OPLAH: variants seen among roughly 807,000 people sequenced by gnomAD.
The protein encoded by OPLAH is 5-oxoprolinase, ATP-hydrolysing.
In OPLAH, 103 loss-of-function variants were observed where a neutral mutation model predicts 122.8. That is an observed-to-expected ratio of 0.84 (90% CI 0.71 to 0.99). The LOEUF is 0.99. Among genes scored for constraint, OPLAH ranks in the 50% least tolerant of loss-of-function variants. The probability of loss-of-function intolerance (pLI) is 0.00; values close to 1 mark genes in which losing one functional copy is unlikely to be tolerated. For synonymous variants in OPLAH, 875 were observed against 796.0 expected (o/e 1.10, Z -1.67); for missense variants, 1,902 against 1,836.5 (o/e 1.04, Z -0.65).
Position 144,055,207 on chromosome 8 carries a change from C to T in OPLAH, c.2249-18G>A. ...CATCTGCTCTAGGAGCACAAAGTGA[C>T]CAGGCCCGCTGGCCCCACCCACCCA... On this transcript the variant is annotated intron_variant, in intron 16 of 26. Transcript: ENST00000618853. This position sits in a 1 kb window ranked among gnomAD's most constrained non-coding sequence, Gnocchi z 6.5. The T allele has an allele frequency of 6.7e-7, 1 of 1,497,090 alleles. No homozygotes were observed. Among genetic ancestry groups the T allele is most frequent in the Non-Finnish European group, 8.9e-7 (1 of 1,124,070 alleles). 92.7% of individuals were successfully genotyped at this position (1,497,090 alleles called of 1,614,324 possible).
rs546219910 is a variant in OPLAH at position 144,051,836 on chromosome 8, G to A, written c.3623-10C>T. The A allele has an allele frequency of 1.2e-5, 18 of 1,532,504 alleles. No homozygotes were observed. Among genetic ancestry groups the A allele is most frequent in the East Asian group, 1.0e-4 (4 of 39,824 alleles). The allele number at this position is 1,532,504 out of a possible 1,614,324, so 94.9% of individuals were successfully genotyped here. On this transcript the variant is annotated splice_polypyrimidine_tract_variant and intron_variant, in intron 25 of 26. Transcript: ENST00000618853. ...GCGCCAGGCTCGCCCCCTGCGGAGGGAGGCGAGGAGTCCAGAGAGACCAGG... is the reference window on the plus strand; with the variant it reads ...GCGCCAGGCTCGCCCCCTGCGGAGGAAGGCGAGGAGTCCAGAGAGACCAGG...
chr8:144,058,011 T>A lies in OPLAH; in HGVS notation c.1087A>T (p.Arg363Trp), dbSNP rs782450696. 30 of 1,612,224 alleles carry A rather than the reference T, an allele frequency of 1.9e-5. No homozygotes were observed. In the Admixed American group the frequency reaches 5.0e-4, roughly 27 times the overall value. The change falls in exon 8 of 27, where the codon AGG (arginine) becomes TGG (tryptophan). Residue 363 changes from arginine (R) to tryptophan (W), a missense_variant and splice_region_variant. Coordinates refer to ENST00000618853, the MANE Select transcript of OPLAH (RefSeq NM_017570.5). ...AGCCTGGGAAGCAGGAGAGCTGACC[T>A]GAAGAAGAGGCGGGAACCCCCTCCC... ...AAGGGSRLFFRSGLFVVGPES... is the reference protein window; with the variant it reads ...AAGGGSRLFFWSGLFVVGPES...
Position 144,052,756 on chromosome 8 carries a change from C to G in OPLAH, c.3153+10G>C. 1.3e-6 allele frequency: 2 copies of G among 1,563,976 alleles called. No individual in the cohort carries two copies. The highest frequency in any genetic ancestry group is 1.4e-5 in the African/African-American group (1 of 73,650). On this transcript the variant is annotated intron_variant, in intron 22 of 26. Coordinates refer to ENST00000618853, the MANE Select transcript of OPLAH (RefSeq NM_017570.5). Reference sequence around the variant, plus strand: ...CTGGGGCCCCCCCTCGCGCACACACCCCTGCGAACCTGGTTGAGTGGGATG... The same window carrying G: ...CTGGGGCCCCCCCTCGCGCACACACGCCTGCGAACCTGGTTGAGTGGGATG...
In OPLAH at chr8:144,058,502, T is replaced by C; in HGVS notation, c.777A>G (p.Gln259=). 6.3e-7 allele frequency: 1 copy of C among 1,580,208 alleles called. No individual in the cohort carries two copies. Among genetic ancestry groups the C allele is most frequent in the Non-Finnish European group, 8.6e-7 (1 of 1,166,896 alleles). ...VQGFCRGFQG[Q]LKDVQVLFMR... ...GGGTGCCTCACAGCCTCACCTTGAG[T>C]TGGCCCTGGAAGCCACGGCAGAAGC... The change falls in exon 6 of 27, where the codon CAA becomes CAG. Residue 259 remains glutamine (Q), a synonymous_variant. Transcript: ENST00000618853.
intron 3 of OPLAH, 40 bp downstream of exon 3, chr8:144,059,559 T>A: frequency 1.3e-6 from 2 of 1,566,628 alleles, no homozygotes; most frequent in Non-Finnish European, 8.7e-7. Context: ...CTGGGGGGTG[T>A]ACACCACACA....
rs782702031 is a variant in OPLAH at position 144,058,331 on chromosome 8, A to G, written c.857T>C (p.Val286Ala). ...PMDTFSGSSA[V>A]LSGPAGGVVG... ...CACGCCGCCGGCCGGGCCCGAGAGC[A>G]CAGCACTGGAGCCGCTGAAGGTGTC... The change falls in exon 7 of 27, where the codon GTG becomes GCG. Residue 286 changes from valine to alanine, a missense_variant. Coordinates refer to ENST00000618853, the MANE Select transcript of OPLAH (RefSeq NM_017570.5). 3 of 1,600,462 alleles carry G rather than the reference A, an allele frequency of 1.9e-6. No individual in the cohort carries two copies. In the Admixed American group the frequency reaches 5.2e-5, roughly 28 times the overall value.
chr8:144,062,770 C>A (rs1429314919), upstream of OPLAH, among the ~76,000 whole-genome samples: 1 of 151,878 alleles, frequency 6.6e-6, no homozygotes, highest in African/African-American at 2.4e-5. Context: ...CAGCCACCCC[C>A]TCGCCTCTCT....
chr8:144,063,821 C>T (rs1372321588), upstream of OPLAH: 1 of 152,468 alleles, frequency 6.6e-6, no homozygotes, highest in Non-Finnish European at 1.5e-5. This position sits in a 1 kb window ranked among gnomAD's most constrained non-coding sequence, Gnocchi z 4.2. Context: ...TGAGCACCAG[C>T]TTCAGCTCCT....
Position 144,058,815 on chromosome 8 carries a change from C to G in OPLAH, c.545G>C (p.Arg182Pro). ...CACCACAGCCAGGCTGCGGATGCCT[C>G]GAGATAGCAGCCCCTCCAGCTTCCC... ...LRGKLEGLLS[R>P]GIRSLAVVLM... Residue 182 changes from arginine (R) to proline (P), a missense_variant, in exon 5 of 27, where the codon CGA (arginine) becomes CCA (proline). Transcript: ENST00000618853. The G allele has an allele frequency of 6.3e-7, 1 of 1,598,802 alleles. No homozygotes were observed.
chr8:144,055,036 T>A lies in OPLAH; in HGVS notation c.2402A>T (p.Gln801Leu). Residue 801 changes from glutamine to leucine, a missense_variant, in exon 17 of 27, where the codon CAG becomes CTG. Physicochemically the swap from Gln to Leu is moderately radical, Grantham distance 113. Around this residue, in one of 3 missense-constraint regions of OPLAH, gnomAD observed 1,726 missense variants for 1,642.1 expected, o/e 1.05. Coordinates refer to ENST00000618853, the MANE Select transcript of OPLAH (RefSeq NM_017570.5). The surrounding 1 kb of genome is among the most constrained non-coding windows in gnomAD (Gnocchi z 6.5). The stretch of plus-strand genomic sequence containing the variant: ...AGGCGGGGGAAGGGCCACCTGGAAC[T>A]GCACCGTCTCCTGCATGGCACCCAG... ...VHLGAMQETV[Q>L]FQIQHLGADL... 1 of 1,498,312 alleles carries A rather than the reference T, an allele frequency of 6.7e-7. No homozygotes were observed. Among genetic ancestry groups the A allele is most frequent in the Non-Finnish European group, 8.9e-7 (1 of 1,117,948 alleles). 92.8% of individuals were successfully genotyped at this position (1,498,312 alleles called of 1,614,324 possible).
intron 3 of OPLAH, among the ~76,000 whole-genome samples, chr8:144,059,295 C>T (rs781827319): frequency 2.0e-5 from 3 of 152,194 alleles, no homozygotes; most frequent in Non-Finnish European, 4.4e-5. Context: ...CCCACGAAGG[C>T]AGCTTCTTCC....
chr8:144,059,678 C>T lies in OPLAH; in HGVS notation c.284G>A (p.Arg95Gln), dbSNP rs370736759. The change falls in exon 3 of 27, where the codon CGG becomes CAG. Residue 95 changes from arginine to glutamine, a missense_variant. Arg to Gln is a conservative substitution (Grantham distance 43). Transcript: ENST00000618853. ...TNALLERKGE[R>Q]VALLVTRGFR... ...GCCACGTGTCACCAGCAGCGCCACC[C>T]GCTCCCCCTTCCGCTCCAGCAGTGC... 34 of 1,612,434 alleles carry T rather than the reference C, an allele frequency of 2.1e-5. No homozygotes were observed. The African/African-American group carries it at 2.9e-4, about 14-fold the overall frequency.
chr8:144,055,119 AC>A lies in OPLAH; in HGVS notation c.2318del (p.Cys773LeufsTer46). ...GCCCCCCATCGGGCCCAAAGAGGGCACAGGAGAAGTCCAGACGCTCCTTGAT... is the reference window on the plus strand; with the variant it reads ...GCCCCCCATCGGGCCCAAAGAGGGCAAGGAGAAGTCCAGACGCTCCTTGAT... ...TNIKERLDFS[C>X]ALFGPDGGLV... On this transcript the variant is annotated frameshift_variant, in exon 17 of 27. Transcript: ENST00000618853. LOFTEE classifies it high-confidence loss of function. This position sits in a 1 kb window ranked among gnomAD's most constrained non-coding sequence, Gnocchi z 6.5. The A allele has an allele frequency of 6.3e-7, 1 of 1,588,694 alleles. No homozygotes were observed. Among genetic ancestry groups the A allele is most frequent in the Admixed American group, 1.8e-5 (1 of 56,708 alleles).
At position 144,052,857 on chromosome 8, in the gene OPLAH, A is replaced by G. The variant is rs1554758034; in HGVS notation, c.3062T>C (p.Phe1021Ser). Residue 1021 changes from phenylalanine to serine, a missense_variant, in exon 22 of 27, where the codon TTT becomes TCT. Physicochemically the swap from Phe to Ser is radical, Grantham distance 155. Coordinates refer to ENST00000618853, the MANE Select transcript of OPLAH (RefSeq NM_017570.5). Reference protein sequence around the residue: ...FDFSGTGPEVFGNLNAPRAVT... With the variant: ...FDFSGTGPEVSGNLNAPRAVT... ...GGCCCGCGGTGCGTTGAGATTACCAAACACCTCCGGCCCAGTGCCGCTGAA... is the reference window on the plus strand; with the variant it reads ...GGCCCGCGGTGCGTTGAGATTACCAGACACCTCCGGCCCAGTGCCGCTGAA... The G allele has an allele frequency of 1.3e-6, 2 of 1,554,348 alleles. No individual in the cohort carries two copies. The highest frequency in any genetic ancestry group is 1.7e-6 in the Non-Finnish European group (2 of 1,149,470).
intron 19 of OPLAH, 145 bp downstream of exon 19, chr8:144,054,416 C>G (rs1314258114): frequency 1.8e-5 from 16 of 890,680 alleles, no homozygotes; most frequent in Non-Finnish European, 2.7e-5. Context: ...TGCAGCTGCC[C>G]TTTGGGGTAA....
chr8:144,057,879 G>A lies in OPLAH; in HGVS notation c.1133C>T (p.Pro378Leu). ...ACCTTTGCGGTAGCAGGCGGGTCCTGGGTGGGCTCCTGCTGACTCGGGCCC... is the reference window on the plus strand; with the variant it reads ...ACCTTTGCGGTAGCAGGCGGGTCCTAGGTGGGCTCCTGCTGACTCGGGCCC... The part of the protein sequence containing the change: ...VVGPESAGAH[P>L]GPACYRKGGP... The change falls in exon 9 of 27, where the codon CCA becomes CTA. Residue 378 changes from proline to leucine, a missense_variant. Around this residue, in one of 3 missense-constraint regions of OPLAH, gnomAD observed 1,726 missense variants for 1,642.1 expected, o/e 1.05. Coordinates refer to ENST00000618853, the MANE Select transcript of OPLAH (RefSeq NM_017570.5). 6.2e-7 allele frequency: 1 copy of A among 1,612,126 alleles called. No homozygotes were observed. Among genetic ancestry groups the A allele is most frequent in the Non-Finnish European group, 8.5e-7 (1 of 1,179,628 alleles).
chr8:144,056,850 C>T (rs1835529259), intron 12 of OPLAH, 95 bp from the exon 13 acceptor site: 1 of 1,513,968 alleles, frequency 6.6e-7, no homozygotes, highest in East Asian at 2.4e-5. Flanking sequence ...GCTTCTCGCA[C>T]ACCCCGGGAC....
In OPLAH at chr8:144,053,137, G is replaced by A. The variant is rs1554758140; in HGVS notation, c.2872-8C>T. The A allele has an allele frequency of 2.5e-6, 4 of 1,607,526 alleles. No homozygotes were observed. Among genetic ancestry groups the A allele is most frequent in the Non-Finnish European group, 3.4e-6 (4 of 1,177,654 alleles). On this transcript the variant is annotated splice_polypyrimidine_tract_variant and splice_region_variant and intron_variant, in intron 20 of 26. Transcript: ENST00000618853. ...GGCCAGCTCAGCGTTTGCCTGGCAG[G>A]GAGCAGGATCAGTGGTGGCCAGGTC... is the stretch of plus-strand genomic sequence containing the variant.
Position 144,058,507 on chromosome 8 carries a change from C to T in OPLAH, c.772G>A (p.Gly258Ser), listed in dbSNP as rs377195464. Residue 258 changes from glycine to serine, a missense_variant, in exon 6 of 27, where the codon GGC becomes AGC. By Grantham distance (56) the Gly-to-Ser change is moderately conservative (BLOSUM62 0). Coordinates refer to ENST00000618853, the MANE Select transcript of OPLAH (RefSeq NM_017570.5). Reference sequence around the variant, plus strand: ...CCTCACAGCCTCACCTTGAGTTGGCCCTGGAAGCCACGGCAGAAGCCCTGC... The same window carrying T: ...CCTCACAGCCTCACCTTGAGTTGGCTCTGGAAGCCACGGCAGAAGCCCTGC... Reference protein sequence around the residue: ...YVQGFCRGFQGQLKDVQVLFM... With the variant: ...YVQGFCRGFQSQLKDVQVLFM... 93 of 1,582,332 alleles carry T rather than the reference C, an allele frequency of 5.9e-5. No individual in the cohort carries two copies. Among genetic ancestry groups the T allele is most frequent in the Non-Finnish European group, 7.6e-5 (89 of 1,168,344 alleles).
Sources: allele counts gnomAD v4.1 joint callset (sites outside exome capture counted in the v4.1 genomes callset), GRCh38; gene constraint gnomAD v4.1.1; regional missense constraint gnomAD v4.1.1; non-coding constraint Gnocchi (gnomAD v3.1); transcripts MANE v1.5; gene names NCBI Gene and HGNC (gene_info 2026-07-23, HGNC 2026-07-21).